The following CNIH3 variants were observed in gnomAD, a reference collection of about 807,000 sequenced individuals.
The protein encoded by CNIH3 is protein cornichon homolog 3.
CNIH3 carries 14 observed loss-of-function variants against 24.1 expected under a neutral mutation model. The ratio of observed to expected loss-of-function variants is 0.58; its 90% CI spans 0.38 to 0.91. The LOEUF (loss-of-function observed/expected upper bound fraction) is 0.91. Among genes scored for constraint, CNIH3 ranks in the 40% least tolerant of loss-of-function variants. CNIH3 has a pLI of 0.00. For missense variants in CNIH3, 178 were observed against 196.8 expected (o/e 0.90, Z 0.57); for synonymous variants, 68 against 73.8 (o/e 0.92, Z 0.40).
intron 2 of CNIH3, among the ~76,000 whole-genome samples, chr1:224,532,209 A>G (rs142435042): frequency 5.1e-4 from 78 of 152,322 alleles, no homozygotes; most frequent in African/African-American, 1.9e-3. Flanking sequence ...GGAGAGAGCC[A>G]CAAACGACCA....
rs541277980 is a variant in CNIH3 at position 224,673,661 on chromosome 1, A to G, written c.82-7297A>G. ...TCTTCACACAGTCTGCCATTTTCTG[A>G]TGCTTTTCTTATCTATTTGTGAATT... On this transcript the variant is annotated intron_variant, in intron 1 of 5. Coordinates refer to ENST00000272133, the MANE Select transcript of CNIH3 (RefSeq NM_152495.2). 2.1e-3 allele frequency among the ~76,000 whole-genome samples: 317 copies of G among 152,094 alleles called. 1 individual carries two copies. Among genetic ancestry groups the G allele is most frequent in the African/African-American group, 7.1e-3 (293 of 41,470 alleles).
At chr1:224,655,421 A>T (rs1685052025) in intron 1 of CNIH3, among the ~76,000 whole-genome samples, 1 of 152,164 alleles carries the variant, frequency 6.6e-6, no homozygotes, top group Admixed American at 6.5e-5. Flanking sequence ...CTGGAAGGGT[A>T]AATGGAGGCT....
At chr1:224,572,258 G>A (rs746840957) in intron 4 of CNIH3, among the ~76,000 whole-genome samples, 2 of 152,182 alleles carry the variant, frequency 1.3e-5, no homozygotes, top group African/African-American at 4.8e-5. Context: ...GCTCATGTCT[G>A]TAATCCCAGC....
Position 224,649,015 on chromosome 1 carries a change from C to T in CNIH3, c.81+31760C>T, listed in dbSNP as rs191935819. 4.6e-5 allele frequency among the ~76,000 whole-genome samples: 7 copies of T among 152,310 alleles called. No individual in the cohort carries two copies. The East Asian group carries it at 1.3e-3, about 29-fold the overall frequency. On this transcript the variant is annotated intron_variant, in intron 1 of 5. Transcript: ENST00000272133. ...TCCCTGGCTTCTTCAGCCAGCCCAT[C>T]AGTGGTGGCTCCTTCCTTATTTATG...
Position 224,684,710 on chromosome 1 carries a change from A to C in CNIH3, c.151-86A>C. 8.2e-7 allele frequency: 1 copy of C among 1,223,874 alleles called. No individual in the cohort carries two copies. The highest frequency in any genetic ancestry group is 1.2e-6 in the Non-Finnish European group (1 of 826,030). 75.8% of individuals were successfully genotyped at this position (1,223,874 alleles called of 1,614,324 possible). On this transcript the variant is annotated intron_variant, in intron 2 of 5. Coordinates refer to ENST00000272133, the MANE Select transcript of CNIH3 (RefSeq NM_152495.2). The surrounding 1 kb of genome is among the most constrained non-coding windows in gnomAD (Gnocchi z 4.2). Reference sequence around the variant, plus strand: ...GTCTCTGGTGGCTTCTGCCTCCACTATTGGGGCTGATTGCGGGGCCTTCTC... The same window carrying C: ...GTCTCTGGTGGCTTCTGCCTCCACTCTTGGGGCTGATTGCGGGGCCTTCTC...
At chr1:224,607,250 T>C (rs1026306583) in intron 3 of CNIH3, among the ~76,000 whole-genome samples, 1 of 152,140 alleles carries the variant, frequency 6.6e-6, no homozygotes, top group African/African-American at 2.4e-5. Flanking sequence ...GTCTCAATTG[T>C]TTTTAGAAGT....
At chr1:224,553,025 C>T (rs1297524875) in intron 3 of CNIH3, among the ~76,000 whole-genome samples, 1 of 149,814 alleles carries the variant, frequency 6.7e-6, no homozygotes, top group East Asian at 2.0e-4. Context: ...ATACATCTCC[C>T]TTAGATATTA....
At chr1:224,617,603 G>T (rs1006172857) in intron 1 of CNIH3, among the ~76,000 whole-genome samples, 3 of 152,242 alleles carry the variant, frequency 2.0e-5, no homozygotes, top group Non-Finnish European at 4.4e-5. Context: ...AAGCGCCGCC[G>T]TCGGTCCCGG....
intron 1 of CNIH3, among the ~76,000 whole-genome samples, chr1:224,437,488 T>C (rs1440035486): frequency 2.0e-5 from 3 of 152,188 alleles, no homozygotes; most frequent in Non-Finnish European, 4.4e-5. Flanking sequence ...CCTTTCCAAC[T>C]GTAAGAGGTC....
At chr1:224,615,168 T>C (rs1240338684), upstream of CNIH3, 1 of 151,932 alleles carries the variant, frequency 6.6e-6, no homozygotes, top group African/African-American at 2.4e-5. Flanking sequence ...CACACCAGAG[T>C]CAGAATCAAG....
chr1:224,623,580 C>G (rs1233272628), intron 1 of CNIH3, among the ~76,000 whole-genome samples: 5 of 152,058 alleles, frequency 3.3e-5, no homozygotes, highest in Admixed American at 3.3e-4. Context: ...CCAAAACTGT[C>G]CCCCACCCCT....
upstream of CNIH3, chr1:224,515,821 C>G (rs1237280555): frequency 6.6e-6 from 1 of 152,152 alleles, no homozygotes; most frequent in Non-Finnish European, 1.5e-5. Flanking sequence ...CACTGTTCCC[C>G]CAGGATCACT....
chr1:224,726,303 A>T (rs1324983524), intron 3 of CNIH3, among the ~76,000 whole-genome samples: 1 of 152,224 alleles, frequency 6.6e-6, no homozygotes, highest in Non-Finnish European at 1.5e-5. Context: ...GAGAAGAAGG[A>T]GTCAGAGATG....
At chr1:224,683,342 C>G (rs189798338) in intron 2 of CNIH3, among the ~76,000 whole-genome samples, 1 of 152,292 alleles carries the variant, frequency 6.6e-6, no homozygotes, top group Admixed American at 6.5e-5. Flanking sequence ...AATAAAAACC[C>G]TAAATGGAAG....
intron 3 of CNIH3, among the ~76,000 whole-genome samples, chr1:224,609,500 G>A (rs556349136): frequency 2.0e-5 from 3 of 152,148 alleles, no homozygotes; most frequent in Non-Finnish European, 4.4e-5. Context: ...AACTTGGTGA[G>A]CTGGATTTAA....
intron 3 of CNIH3, among the ~76,000 whole-genome samples, chr1:224,548,772 T>A (rs986288252): frequency 6.6e-5 from 10 of 151,676 alleles, no homozygotes; most frequent in Non-Finnish European, 1.2e-4. Context: ...GTGTACACCC[T>A]GTGTGTACAC....
upstream of CNIH3, among the ~76,000 whole-genome samples, chr1:224,512,734 C>G (rs1440404003): frequency 6.6e-6 from 1 of 152,160 alleles, no homozygotes; most frequent in Non-Finnish European, 1.5e-5. Context: ...GCCCATTTAC[C>G]TTCCTCCAGC....
rs577198163 is a variant in CNIH3 at position 224,702,903 on chromosome 1, C to T, written c.198+18060C>T. Among the ~76,000 whole-genome samples, 7 of 152,268 alleles carry T rather than the reference C, an allele frequency of 4.6e-5. No individual in the cohort carries two copies. In the South Asian group the frequency reaches 1.2e-3, roughly 27 times the overall value. Reference sequence around the variant, plus strand: ...TGTCCTTGCTGGTCGGGGGAGACTTCGCTGAGATAGTATCCTCTACCTTTA... The same window carrying T: ...TGTCCTTGCTGGTCGGGGGAGACTTTGCTGAGATAGTATCCTCTACCTTTA... On this transcript the variant is annotated intron_variant, in intron 3 of 5. Transcript: ENST00000272133.
intron 4 of CNIH3, among the ~76,000 whole-genome samples, chr1:224,577,674 G>C (rs757456374): frequency 5.3e-5 from 8 of 152,114 alleles, no homozygotes; most frequent in Admixed American, 5.2e-4. Flanking sequence ...AGAACTGAAA[G>C]TATTGTAGAA....
Sources: allele counts gnomAD v4.1 joint callset (sites outside exome capture counted in the v4.1 genomes callset), GRCh38; gene constraint gnomAD v4.1.1; non-coding constraint Gnocchi (gnomAD v3.1); transcripts MANE v1.5; gene names NCBI Gene and HGNC (gene_info 2026-07-23, HGNC 2026-07-21).